Variants in PTPRD observed in about 807,000 individuals in gnomAD.
The protein encoded by PTPRD is protein tyrosine phosphatase receptor type D.
PTPRD carries 34 observed loss-of-function variants against 214.5 expected under a neutral mutation model. That is an observed-to-expected ratio of 0.16 (90% CI 0.12 to 0.21). The LOEUF is 0.21. PTPRD is among the 10% of genes least tolerant of loss of function. PTPRD has a pLI of 1.00. For synonymous variants in PTPRD, 1,128 were observed against 845.7 expected, an observed-to-expected ratio of 1.33 and a Z score of -5.79; for missense variants, 2,545 against 2,398.7, an observed-to-expected ratio of 1.06 and a Z score of -1.27.
chr9:10,443,810 T>G (rs2098778620), intron 2 of PTPRD, among the ~76,000 whole-genome samples: 1 of 151,000 alleles, frequency 6.6e-6, no homozygotes, highest in Non-Finnish European at 1.5e-5. Flanking sequence ...AAAAAGCTAA[T>G]AATTTAGGAC....
chr9:8,359,628 C>A (rs895748990), intron 39 of PTPRD, among the ~76,000 whole-genome samples: 1 of 152,154 alleles, frequency 6.6e-6, no homozygotes, highest in African/African-American at 2.4e-5. Flanking sequence ...GCCACCCCAC[C>A]CGGCCAGCTA....
chr9:8,342,220 C>G (rs1329673523), intron 39 of PTPRD, among the ~76,000 whole-genome samples: 1 of 151,850 alleles, frequency 6.6e-6, no homozygotes, highest in Non-Finnish European at 1.5e-5. Context: ...AATATTAAAT[C>G]CATAATCACT....
At chr9:8,942,883 C>T (rs554154437) in intron 11 of PTPRD, among the ~76,000 whole-genome samples, 2 of 152,048 alleles carry the variant, frequency 1.3e-5, no homozygotes, top group East Asian at 3.9e-4. Context: ...CTTGGAGAAA[C>T]CTAAAGACTC....
chr9:8,575,349 CT>C (rs2092165755), intron 14 of PTPRD, among the ~76,000 whole-genome samples: 1 of 152,110 alleles, frequency 6.6e-6, no homozygotes, highest in Admixed American at 6.6e-5. Flanking sequence ...TAACCGCTTA[CT>C]TCAAATTTTC....
chr9:8,383,498 G>A (rs2085859870), intron 37 of PTPRD, among the ~76,000 whole-genome samples: 1 of 152,146 alleles, frequency 6.6e-6, no homozygotes, highest in African/African-American at 2.4e-5. Flanking sequence ...GCCTAAGATA[G>A]AACTCAAGTC....
intron 2 of PTPRD, among the ~76,000 whole-genome samples, chr9:10,502,568 A>C (rs577546567): frequency 2.0e-5 from 3 of 152,016 alleles, no homozygotes; most frequent in African/African-American, 7.2e-5. Context: ...ATTTTTTTGC[A>C]AGCAAGTTAG....
In PTPRD at chr9:9,240,613, C is replaced by G. The variant is rs556081182; in HGVS notation, c.-202-57250G>C. ...TTGATATTTTATACAAAGAGAGACA[C>G]TAAAGCAATTAGGCTTATTTGATAT... On this transcript the variant is annotated intron_variant, in intron 9 of 45. Coordinates refer to ENST00000381196, the MANE Select transcript of PTPRD (RefSeq NM_002839.4). Among the ~76,000 whole-genome samples, 53 of 152,112 alleles carry G rather than the reference C, an allele frequency of 3.5e-4. 1 individual carries two copies. In the South Asian group the frequency reaches 0.011, roughly 30 times the overall value.
At chr9:10,490,643 C>A (rs1194550774) in intron 2 of PTPRD, among the ~76,000 whole-genome samples, 1 of 151,998 alleles carries the variant, frequency 6.6e-6, no homozygotes, top group African/African-American at 2.4e-5. Flanking sequence ...TTCAATTTTT[C>A]TCTATATTCT....
At position 8,658,106 on chromosome 9, in the gene PTPRD, G is replaced by T. The variant is rs569756102; in HGVS notation, c.65-21262C>A. ...TTGAGAGAATAATGCAGAAAATGTAGAAGTTAAACTGATTCTTTTCAGCTT... is the reference window on the plus strand; with the variant it reads ...TTGAGAGAATAATGCAGAAAATGTATAAGTTAAACTGATTCTTTTCAGCTT... On this transcript the variant is annotated intron_variant, in intron 12 of 45. Transcript: ENST00000381196. 3.3e-5 allele frequency among the ~76,000 whole-genome samples: 5 copies of T among 152,214 alleles called. No homozygotes were observed. In the South Asian group the frequency reaches 1.0e-3, roughly 32 times the overall value.
At chr9:9,864,509 G>GT (rs1282963568) in intron 5 of PTPRD, among the ~76,000 whole-genome samples, 2 of 151,802 alleles carry the variant, frequency 1.3e-5, no homozygotes, top group South Asian at 2.1e-4. Context: ...TTTGTTGTTT[G>GT]TTTTTACTTT....
intron 3 of PTPRD, among the ~76,000 whole-genome samples, chr9:10,194,343 TATAGAGAGAG>T (rs1465326719): frequency 2.4e-4 from 10 of 41,024 alleles, no homozygotes; most frequent in South Asian, 1.8e-3. Context: ...TATATATATA[TATAGAGAGAG>T]AGAGAGAGAG....
At chr9:8,959,487 G>C (rs1034248388) in intron 11 of PTPRD, among the ~76,000 whole-genome samples, 2 of 151,738 alleles carry the variant, frequency 1.3e-5, no homozygotes, top group African/African-American at 4.8e-5. Context: ...GTGAGAGGAG[G>C]AGAGCAGCGA....
intron 14 of PTPRD, among the ~76,000 whole-genome samples, chr9:8,573,280 T>C (rs966270630): frequency 6.6e-6 from 1 of 152,048 alleles, no homozygotes; most frequent in African/African-American, 2.4e-5. Flanking sequence ...AAGAAAGGTA[T>C]TGGTGCTACT....
intron 11 of PTPRD, among the ~76,000 whole-genome samples, chr9:9,006,412 G>A (rs1192108908): frequency 6.6e-6 from 1 of 151,976 alleles, no homozygotes; most frequent in Non-Finnish European, 1.5e-5. Flanking sequence ...GAATAGACAA[G>A]GCACAAATCA....
intron 2 of PTPRD, among the ~76,000 whole-genome samples, chr9:10,503,980 G>T (rs1276581301): frequency 6.6e-6 from 1 of 151,154 alleles, no homozygotes; most frequent in Non-Finnish European, 1.5e-5. Context: ...GCCGGGCGTG[G>T]TGGCGGGCGC....
rs374242813 is a variant in PTPRD at position 10,451,716 on chromosome 9, T to C, written c.-599-110699A>G. ...GAAGTCTGTAAACAAATTTCACTAA[T>C]AAAGTGGTTTTCTAAGTATTCATGT... On this transcript the variant is annotated intron_variant, in intron 2 of 45. Coordinates refer to ENST00000381196, the MANE Select transcript of PTPRD (RefSeq NM_002839.4). Among the ~76,000 whole-genome samples, 111 of 150,382 alleles carry C rather than the reference T, an allele frequency of 7.4e-4. 1 individual carries two copies. Among genetic ancestry groups the C allele is most frequent in the African/African-American group, 2.7e-3 (109 of 39,892 alleles).
intron 12 of PTPRD, among the ~76,000 whole-genome samples, chr9:8,638,121 T>TTTTA (rs1181448308): frequency 3.4e-5 from 5 of 147,740 alleles, no homozygotes; most frequent in African/African-American, 1.2e-4. Context: ...TTTTTTTTTT[T>TTTTA]AATTTCTAAT....
intron 12 of PTPRD, among the ~76,000 whole-genome samples, chr9:8,726,026 G>GACACACACAC (rs71500962): frequency 2.4e-4 from 33 of 139,542 alleles, no homozygotes; most frequent in South Asian, 1.1e-3. Flanking sequence ...CAGACAGACA[G>GACACACACAC]ACACACACAC....
chr9:8,996,557 G>T (rs1178619263), intron 11 of PTPRD, among the ~76,000 whole-genome samples: 4 of 151,952 alleles, frequency 2.6e-5, no homozygotes, highest in African/African-American at 9.7e-5. Context: ...ATCTCAGACT[G>T]GGTAGTTTAT....
Sources: gnomAD v4.1 joint callset for allele counts (sites outside exome capture counted in the v4.1 genomes callset) on GRCh38, gnomAD v4.1.1 for gene constraint, MANE v1.5 for transcripts, NCBI Gene and HGNC (gene_info 2026-07-23, HGNC 2026-07-21) for gene names.